The following MPV17 variants were observed in gnomAD, a reference collection of about 807,000 sequenced individuals.
The protein encoded by MPV17 is MPV17, mitochondrial inner membrane protein.
In MPV17, 31 loss-of-function variants were observed where a neutral mutation model predicts 28.6. That is an observed-to-expected ratio of 1.08 (90% CI 0.81 to 1.46). MPV17 has a LOEUF of 1.46. Among genes scored for constraint, MPV17 ranks in the 40% most tolerant of loss-of-function variants. MPV17 has a pLI of 0.00. For synonymous variants in MPV17, 87 were observed against 85.3 expected (o/e 1.02, Z -0.11); for missense variants, 198 against 216.2 (o/e 0.92, Z 0.53).
At chr2:27,312,446 G>T in intron 5 of MPV17, 48 bp downstream of exon 5, 1 of 1,589,728 alleles carries the variant, frequency 6.3e-7, no homozygotes, top group Non-Finnish European at 8.6e-7. Context: ...CTTCCCCTGG[G>T]CTGTCAGCCC....
intron 2 of MPV17, chr2:27,322,207 CT>C (rs2148225252): frequency 3.4e-6 from 2 of 586,376 alleles, no homozygotes; most frequent in East Asian, 5.7e-5. Flanking sequence ...GACTGTTCAG[CT>C]TTTTGAGGAC....
chr2:27,316,955 T>C, intron 2 of MPV17: 2 of 954,512 alleles, frequency 2.1e-6, no homozygotes, highest in Non-Finnish European at 3.1e-6. Flanking sequence ...GGAGCCTGCC[T>C]CTGAGCAGAT....
In MPV17 at chr2:27,309,617, T is replaced by TG; in HGVS notation, c.*294dup. On this transcript the variant is annotated 3_prime_UTR_variant, in exon 8 of 8. Transcript: ENST00000380044. The stretch of plus-strand genomic sequence containing the variant: ...GAGTAACAAATGTGTCTATGAAGAG[T>TG]GGGGATGAGTGGCATTTGCTGGGAT... 1 of 584,392 alleles carries TG rather than the reference T, an allele frequency of 1.7e-6. No homozygotes were observed. Among genetic ancestry groups the TG allele is most frequent in the Non-Finnish European group, 3.1e-6 (1 of 327,380 alleles). The allele number at this position is 584,392 out of a possible 1,614,324, so 36.2% of individuals were successfully genotyped here.
At position 27,312,483 on chromosome 2, in the gene MPV17, G is replaced by T; in HGVS notation, c.375+11C>A. ...CCAGCCAGAGACATTCTCCACACCT[G>T]CCCAGCTCACCCGCTGTAGTTTGGC... On this transcript the variant is annotated intron_variant, in intron 5 of 7. Coordinates refer to ENST00000380044, the MANE Select transcript of MPV17 (RefSeq NM_002437.5). 5.6e-6 allele frequency: 9 copies of T among 1,613,302 alleles called. No individual in the cohort carries two copies. Among genetic ancestry groups the T allele is most frequent in the Non-Finnish European group, 7.6e-6 (9 of 1,179,226 alleles).
At chr2:27,320,064 C>T (rs535625346) in intron 2 of MPV17, among the ~76,000 whole-genome samples, 2 of 151,668 alleles carry the variant, frequency 1.3e-5, no homozygotes, top group East Asian at 2.0e-4. Context: ...GGTGAAATCC[C>T]GTCTCTACTA....
intron 6 of MPV17, 33 bp downstream of exon 6, chr2:27,312,181 A>G: frequency 6.2e-7 from 1 of 1,609,790 alleles, no homozygotes; most frequent in South Asian, 1.1e-5. Flanking sequence ...TTAAGGAAGC[A>G]GGAGAACAAG....
Position 27,316,021 on chromosome 2 carries a change from C to G in MPV17, c.71-2912G>C. ...CAGAGGTCAGTGGCACCAGGAGGCC[C>G]CTGTGGCTGCTCCCCTGCTGGGTGT... On this transcript the variant is annotated intron_variant, in intron 2 of 7. Coordinates refer to ENST00000380044, the MANE Select transcript of MPV17 (RefSeq NM_002437.5). 6 of 1,546,174 alleles carry G rather than the reference C, an allele frequency of 3.9e-6. No homozygotes were observed. In the South Asian group the frequency reaches 7.2e-5, roughly 18 times the overall value.
At chr2:27,316,975 A>T (rs1435865403) in intron 2 of MPV17, 1 of 1,141,172 alleles carries the variant, frequency 8.8e-7, no homozygotes, top group Non-Finnish European at 1.2e-6. Context: ...TCAATTTGGG[A>T]CCACTTCCTG....
intron 7 of MPV17, chr2:27,311,446 G>A (rs553005102): frequency 6.9e-5 from 54 of 784,480 alleles, no homozygotes; most frequent in Middle Eastern, 7.3e-4. Flanking sequence ...CTGTTCCCAC[G>A]ATCCTTCACC....
intron 2 of MPV17, 90 bp from the exon 3 acceptor site, chr2:27,313,199 G>T: frequency 6.3e-7 from 1 of 1,599,598 alleles, no homozygotes; most frequent in Non-Finnish European, 8.5e-7. Context: ...CTCCACTGAG[G>T]CTCTGGTACT....
At chr2:27,315,015 C>G (rs889093838) in intron 2 of MPV17, among the ~76,000 whole-genome samples, 1 of 152,216 alleles carries the variant, frequency 6.6e-6, no homozygotes, top group Non-Finnish European at 1.5e-5. Context: ...TGGGCACCCC[C>G]AGTCCTGCCT....
At chr2:27,321,043 C>G (rs1679838361) in intron 2 of MPV17, among the ~76,000 whole-genome samples, 1 of 152,228 alleles carries the variant, frequency 6.6e-6, no homozygotes. Context: ...GCCCAGAACT[C>G]CAGCCACATG....
chr2:27,311,186 T>A (rs981595131), intron 7 of MPV17: 2 of 165,558 alleles, frequency 1.2e-5, no homozygotes, highest in African/African-American at 4.9e-5. Flanking sequence ...GCCTCCCGAG[T>A]AGCTGGGACT....
chr2:27,319,674 T>G (rs1163231603), intron 2 of MPV17, among the ~76,000 whole-genome samples: 1 of 151,448 alleles, frequency 6.6e-6, no homozygotes, highest in Non-Finnish European at 1.5e-5. Flanking sequence ...CCTGTAATCC[T>G]AGTACTCTGG....
chr2:27,314,941 C>G (rs2148218173), intron 2 of MPV17, among the ~76,000 whole-genome samples: 1 of 152,354 alleles, frequency 6.6e-6, no homozygotes, highest in Non-Finnish European at 1.5e-5. Context: ...CTGGGTATGG[C>G]TGAGAGCTGG....
rs1398426996 is a variant in MPV17 at position 27,322,435 on chromosome 2, G to A, written c.70+13C>T. 11 of 1,612,946 alleles carry A rather than the reference G, an allele frequency of 6.8e-6. No homozygotes were observed. In the South Asian group the frequency reaches 1.1e-4, roughly 16 times the overall value. On this transcript the variant is annotated intron_variant, in intron 2 of 7. Coordinates refer to ENST00000380044, the MANE Select transcript of MPV17 (RefSeq NM_002437.5). ...CTGCCCTGGTCCCACTCAAGTCCTA[G>A]AGGGACACTCACCAGCTGTCAGGAC...
chr2:27,319,508 C>T (rs940421183), intron 2 of MPV17, among the ~76,000 whole-genome samples: 2 of 142,788 alleles, frequency 1.4e-5, no homozygotes, highest in Non-Finnish European at 3.1e-5. Context: ...GCACTCCAGC[C>T]TGGGCAAAAG....
intron 2 of MPV17, among the ~76,000 whole-genome samples, chr2:27,319,108 G>A (rs1679762798): frequency 6.6e-6 from 1 of 152,098 alleles, no homozygotes; most frequent in Non-Finnish European, 1.5e-5. Context: ...CCAAGGGACT[G>A]AGCAACAGCT....
intron 7 of MPV17, among the ~76,000 whole-genome samples, chr2:27,310,891 C>T (rs899803695): frequency 2.0e-5 from 3 of 151,596 alleles, no homozygotes; most frequent in Non-Finnish European, 4.4e-5. Flanking sequence ...ACTACAGGCA[C>T]CTGCCACCAC....
Sources: gnomAD v4.1 joint callset for allele counts (sites outside exome capture counted in the v4.1 genomes callset) on GRCh38, gnomAD v4.1.1 for gene constraint, MANE v1.5 for transcripts, NCBI Gene and HGNC (gene_info 2026-07-23, HGNC 2026-07-21) for gene names.